Variants in SULT2A1 observed in about 807,000 individuals in gnomAD.
SULT2A1 encodes sulfotransferase family 2A member 1, also known as sulfotransferase 2A1.
Under a neutral mutation model 33.9 loss-of-function variants are expected in SULT2A1, and 43 were observed. The observed-to-expected ratio is 1.27, with a 90% CI of 1.00 to 1.64. The LOEUF (loss-of-function observed/expected upper bound fraction) is 1.64, where lower values mean the gene tolerates loss of function less well. Ranked by LOEUF, SULT2A1 falls within the 40% of genes most tolerant of loss-of-function variation. The pLI, the probability that SULT2A1 is intolerant of heterozygous loss-of-function variation, is 0.00. For synonymous variants in SULT2A1, 125 were observed against 113.6 expected (o/e 1.10, Z -0.64); for missense variants, 300 against 335.1 (o/e 0.90, Z 0.82).
At position 47,883,653 on chromosome 19, in the gene SULT2A1, G is replaced by T; in HGVS notation, c.269C>A (p.Thr90Lys). 1 of 1,614,074 alleles carries T rather than the reference G, an allele frequency of 6.2e-7. No homozygotes were observed. Among genetic ancestry groups the T allele is most frequent in the South Asian group, 1.1e-5 (1 of 91,074 alleles). Residue 90 changes from threonine (T) to lysine (K), a missense_variant, in exon 2 of 6, where the codon ACG (threonine) becomes AAG (lysine). Coordinates refer to ENST00000222002, the MANE Select transcript of SULT2A1 (RefSeq NM_003167.4). ...GGAGGAGAATAAACGTGGACTCTCC[G>T]TTTCACTGAGTGCTGTATACCCAAT... ...SEIGYTALSE[T>K]ESPRLFSSHL...
At chr19:47,883,957 T>C (rs1361437171) in intron 1 of SULT2A1, among the ~76,000 whole-genome samples, 172 bp from the exon 2 acceptor site, 1 of 151,218 alleles carries the variant, frequency 6.6e-6, no homozygotes, top group Non-Finnish European at 1.5e-5. Flanking sequence ...AATACAAAAA[T>C]TAGCCAGGTA....
intron 5 of SULT2A1, among the ~76,000 whole-genome samples, chr19:47,872,949 A>G (rs1294045320): frequency 1.3e-5 from 2 of 151,856 alleles, no homozygotes; most frequent in Non-Finnish European, 2.9e-5. Flanking sequence ...TTTAGTAGAA[A>G]CAGAGTTTCA....
intron 5 of SULT2A1, among the ~76,000 whole-genome samples, chr19:47,872,768 T>C (rs540863898): frequency 6.6e-6 from 1 of 151,634 alleles, no homozygotes; most frequent in South Asian, 2.1e-4. Context: ...TATCTTTTTT[T>C]TTTTTTTTGA....
intron 1 of SULT2A1, among the ~76,000 whole-genome samples, chr19:47,885,319 T>C (rs567535149): frequency 2.6e-5 from 4 of 152,216 alleles, no homozygotes; most frequent in Non-Finnish European, 5.9e-5. Flanking sequence ...CCAGGTACCT[T>C]ATGTAAGTGG....
chr19:47,883,527 CAG>C, intron 2 of SULT2A1, 48 bp downstream of exon 2: 1 of 1,546,870 alleles, frequency 6.5e-7, no homozygotes, highest in African/African-American at 1.4e-5. Flanking sequence ...ATAGGCATAT[CAG>C]TGTTTGAAAG....
chr19:47,882,312 A>G, intron 2 of SULT2A1, 102 bp from the exon 3 acceptor site: 1 of 1,376,086 alleles, frequency 7.3e-7, no homozygotes, highest in Non-Finnish European at 9.9e-7. Context: ...GATAATGCCT[A>G]ATAATATCAA....
intron 3 of SULT2A1, among the ~76,000 whole-genome samples, chr19:47,880,739 A>G (rs998416662): frequency 2.0e-5 from 3 of 151,950 alleles, no homozygotes; most frequent in African/African-American, 7.2e-5. Context: ...GGCACATGCC[A>G]CCACACTCGG....
chr19:47,876,119 A>G (rs1348630167), intron 4 of SULT2A1, among the ~76,000 whole-genome samples: 1 of 152,116 alleles, frequency 6.6e-6, no homozygotes, highest in Admixed American at 6.6e-5. Flanking sequence ...AGGCTCAAGC[A>G]ATTCTCCTGT....
At chr19:47,875,463 C>T (rs62531050) in intron 4 of SULT2A1, among the ~76,000 whole-genome samples, 2 of 151,866 alleles carry the variant, frequency 1.3e-5, no homozygotes, top group Admixed American at 6.6e-5. Flanking sequence ...TATAGTGAGA[C>T]CCTGTCTCTA....
At chr19:47,877,749 C>T (rs917399402) in intron 4 of SULT2A1, among the ~76,000 whole-genome samples, 2 of 152,110 alleles carry the variant, frequency 1.3e-5, no homozygotes, top group Non-Finnish European at 2.9e-5. Flanking sequence ...TGGGGTCTTG[C>T]TATGTTGGCC....
chr19:47,872,759 ATC>A (rs1319154425), intron 5 of SULT2A1, among the ~76,000 whole-genome samples: 1 of 138,600 alleles, frequency 7.2e-6, no homozygotes, highest in Admixed American at 7.3e-5. Flanking sequence ...CTCAGCATTT[ATC>A]TTTTTTTTTT....
In SULT2A1 at chr19:47,883,895, C is replaced by T. The variant is rs893893216; in HGVS notation, c.137-110G>A. 4 of 961,894 alleles carry T rather than the reference C, an allele frequency of 4.2e-6. No homozygotes were observed. In the African/African-American group the frequency reaches 4.9e-5, roughly 12 times the overall value. The allele number at this position is 961,894 out of a possible 1,614,324, so 59.6% of individuals were successfully genotyped here. Reference sequence around the variant, plus strand: ...AGGCTGAGGCAAGTGATCATGAGGTCAGGGGTTCCAGAATAGCCTGGCCAA... The same window carrying T: ...AGGCTGAGGCAAGTGATCATGAGGTTAGGGGTTCCAGAATAGCCTGGCCAA... On this transcript the variant is annotated intron_variant, in intron 1 of 5. Transcript: ENST00000222002.
chr19:47,879,912 G>A (rs1400336632), intron 3 of SULT2A1, among the ~76,000 whole-genome samples: 1 of 143,688 alleles, frequency 7.0e-6, no homozygotes, highest in African/African-American at 2.6e-5. Flanking sequence ...ATGTACCCTA[G>A]AACTTAAAGT....
intron 3 of SULT2A1, among the ~76,000 whole-genome samples, chr19:47,881,457 C>A (rs951175540): frequency 6.6e-6 from 1 of 152,130 alleles, no homozygotes; most frequent in Non-Finnish European, 1.5e-5. Context: ...CATGTGTGAG[C>A]CACCGCGCCC....
At chr19:47,872,963 T>C (rs1392258208) in intron 5 of SULT2A1, among the ~76,000 whole-genome samples, 1 of 152,034 alleles carries the variant, frequency 6.6e-6, no homozygotes, top group Non-Finnish European at 1.5e-5. Context: ...AGTTTCACCA[T>C]GTTGCCCAGG....
intron 4 of SULT2A1, 83 bp from the exon 5 acceptor site, chr19:47,874,917 T>A (rs1035645309): frequency 1.6e-6 from 2 of 1,236,566 alleles, no homozygotes; most frequent in Admixed American, 2.2e-5. Flanking sequence ...ATCCCAGCAC[T>A]CTGGGAGGCT....
rs928794716 is a variant in SULT2A1, at chr19:47,879,265, G to A, written c.473-135C>T. 7.8e-6 allele frequency: 5 copies of A among 640,536 alleles called. No homozygotes were observed. The Admixed American group carries it at 1.2e-4, about 16-fold the overall frequency. The allele number at this position is 640,536 out of a possible 1,614,324, so 39.7% of individuals were successfully genotyped here. A position where few individuals can be genotyped will look rare whatever the true frequency, so the allele number is the denominator to read the frequency against. ...AACTTGAATGAAACTTGGTCGAAGG[G>A]GACCAACAAATGGTATATATTTACA... On this transcript the variant is annotated intron_variant, in intron 3 of 5. Transcript: ENST00000222002.
chr19:47,886,138 C>A lies in SULT2A1; in HGVS notation c.120G>T (p.Leu40Phe). The A allele has an allele frequency of 6.2e-7, 1 of 1,613,932 alleles. No homozygotes were observed. The highest frequency in any genetic ancestry group is 1.1e-5 in the South Asian group (1 of 91,024). Residue 40 changes from leucine (L) to phenylalanine (F), a missense_variant, in exon 1 of 6, where the codon TTG (leucine) becomes TTT (phenylalanine). By Grantham distance (22) the Leu-to-Phe change is conservative (BLOSUM62 0). Coordinates refer to ENST00000222002, the MANE Select transcript of SULT2A1 (RefSeq NM_003167.4). ...FVIRDEDVII[L>F]TYPKSGTNWL... ...CCTCCTTACCTGATTTGGGGTAAGT[C>A]AATATTATTACATCTTCATCCCTTA...
intron 4 of SULT2A1, among the ~76,000 whole-genome samples, chr19:47,875,764 C>T (rs903900488): frequency 2.0e-5 from 3 of 152,114 alleles, no homozygotes; most frequent in African/African-American, 4.8e-5. Flanking sequence ...CACAGAGCCT[C>T]GGGTTTCCTA....
Sources: allele counts gnomAD v4.1 joint callset (sites outside exome capture counted in the v4.1 genomes callset), GRCh38; gene constraint gnomAD v4.1.1; transcripts MANE v1.5; gene names NCBI Gene and HGNC (gene_info 2026-07-23, HGNC 2026-07-21).